MTMR9: variants seen among roughly 807,000 people sequenced by gnomAD.
The protein encoded by MTMR9 is myotubularin-related protein 9.
A neutral mutation model predicts 69.5 loss-of-function variants in MTMR9; 39 were observed. The observed-to-expected ratio is 0.56, with a 90% CI of 0.43 to 0.73. The LOEUF is 0.73. Ranked by LOEUF, MTMR9 falls within the 30% of genes least tolerant of loss-of-function variation. The pLI, the probability that MTMR9 is intolerant of heterozygous loss-of-function variation, is 0.00. For synonymous variants in MTMR9, 354 were observed against 240.8 expected (o/e 1.47, Z -4.35); for missense variants, 900 against 671.2 (o/e 1.34, Z -3.77).
chr8:11,294,292 C>G (rs1049084062), intron 1 of MTMR9, among the ~76,000 whole-genome samples: 3 of 151,992 alleles, frequency 2.0e-5, no homozygotes, highest in African/African-American at 4.8e-5. Flanking sequence ...CAGTGAACAT[C>G]TTTGTGTTAT....
chr8:11,304,050 T>A (rs1385694990), intron 3 of MTMR9, among the ~76,000 whole-genome samples: 1 of 151,190 alleles, frequency 6.6e-6, no homozygotes, highest in East Asian at 1.9e-4. Flanking sequence ...TACATATAAT[T>A]TGATTTTTTT....
rs1563262763 is a variant in MTMR9 at position 11,287,810 on chromosome 8, TAC to T, written c.182+2742_182+2743del. Among the ~76,000 whole-genome samples, 29 of 115,690 alleles carry T rather than the reference TAC, an allele frequency of 2.5e-4. 1 individual carries two copies. In the South Asian group the frequency reaches 6.3e-3, roughly 25 times the overall value. 75.9% of individuals were successfully genotyped at this position (115,690 alleles called of 152,430 possible). ...ATTATATATAATACATATTATATAA[TAC>T]ATATAATATATAATATATAACATTA... On this transcript the variant is annotated intron_variant, in intron 1 of 9. Coordinates refer to ENST00000221086, the MANE Select transcript of MTMR9 (RefSeq NM_015458.4).
chr8:11,333,045 C>A (rs1217823738), downstream of MTMR9, among the ~76,000 whole-genome samples: 1 of 152,030 alleles, frequency 6.6e-6, no homozygotes, highest in African/African-American at 2.4e-5. Flanking sequence ...TCAAGTGGAC[C>A]AACATATGGT....
At chr8:11,331,612 T>A (rs1174702556), downstream of MTMR9, 1 of 1,613,334 alleles carries the variant, frequency 6.2e-7, no homozygotes, top group East Asian at 2.2e-5. Context: ...ATCCTAGGAC[T>A]AATCATCATT....
At chr8:11,294,364 GT>G (rs939465835) in intron 1 of MTMR9, among the ~76,000 whole-genome samples, 2 of 151,920 alleles carry the variant, frequency 1.3e-5, no homozygotes, top group African/African-American at 4.8e-5. Context: ...AGATTTAGGG[GT>G]TTTTTTGTGG....
At chr8:11,301,286 G>A (rs1799739011) in intron 3 of MTMR9, among the ~76,000 whole-genome samples, 1 of 152,132 alleles carries the variant, frequency 6.6e-6, no homozygotes, top group Admixed American at 6.5e-5. Flanking sequence ...AGAGAGTATG[G>A]TATTGCTGTA....
downstream of MTMR9, chr8:11,332,158 A>G (rs1306460948): frequency 1.9e-6 from 3 of 1,610,714 alleles, no homozygotes; most frequent in African/African-American, 2.7e-5. Flanking sequence ...TGGGAGGGAC[A>G]GGGATAAATA....
Position 11,324,755 on chromosome 8 carries a change from G to C in MTMR9, c.*1967G>C. ...GCCTATAGTCCCAGCCACTAGGAAAGCTGAGGCAGAAGGATCCCTTGAGCC... is the reference window on the plus strand; with the variant it reads ...GCCTATAGTCCCAGCCACTAGGAAACCTGAGGCAGAAGGATCCCTTGAGCC... On this transcript the variant is annotated 3_prime_UTR_variant, in exon 10 of 10. Coordinates refer to ENST00000221086, the MANE Select transcript of MTMR9 (RefSeq NM_015458.4). 6.6e-6 allele frequency: 1 copy of C among 152,450 alleles called. No individual in the cohort carries two copies. The highest frequency in any genetic ancestry group is 2.1e-4 in the South Asian group (1 of 4,826). The allele number at this position is 152,450 out of a possible 1,614,324, so 9.4% of individuals were successfully genotyped here. A position where few individuals can be genotyped will look rare whatever the true frequency, so the allele number is the denominator to read the frequency against.
intron 9 of MTMR9, among the ~76,000 whole-genome samples, chr8:11,322,200 C>T (rs911203798): frequency 1.3e-5 from 2 of 152,130 alleles, no homozygotes; most frequent in African/African-American, 4.8e-5. Flanking sequence ...TGTCACTTTT[C>T]AGGTGAAAAT....
chr8:11,313,520 G>T (rs953115625), intron 6 of MTMR9, among the ~76,000 whole-genome samples: 1 of 152,212 alleles, frequency 6.6e-6, no homozygotes, highest in Admixed American at 6.5e-5. Context: ...TCCTCACTAA[G>T]CTTAATCATT....
chr8:11,295,376 C>A, intron 2 of MTMR9, 74 bp downstream of exon 2: 1 of 885,100 alleles, frequency 1.1e-6, no homozygotes, highest in Non-Finnish European at 1.8e-6. Context: ...TCCATTTCTT[C>A]ATTAGATAAT....
rs764147390 is a variant in MTMR9, at chr8:11,304,426, C to A, written c.418-415C>A. Among the ~76,000 whole-genome samples the A allele has an allele frequency of 2.0e-5, 3 of 152,058 alleles. No individual in the cohort carries two copies. The East Asian group carries it at 5.8e-4, about 29-fold the overall frequency. ...AAGGAAGAAGTAGGATGATGTTGGC[C>A]GTGATAATTGTGGATGTGCTTAATA... On this transcript the variant is annotated intron_variant, in intron 3 of 9. Transcript: ENST00000221086.
chr8:11,336,838 C>T, the MTMR9 span, among the ~76,000 whole-genome samples: 1 of 152,152 alleles, frequency 6.6e-6, no homozygotes, highest in Admixed American at 6.5e-5. Context: ...TCTGGACTTG[C>T]TCAAGCACCA....
intron 1 of MTMR9, among the ~76,000 whole-genome samples, chr8:11,292,571 T>A (rs1013371588): frequency 6.6e-6 from 1 of 152,244 alleles, no homozygotes; most frequent in African/African-American, 2.4e-5. Flanking sequence ...GTGGCTTAAA[T>A]TTGCATTTCC....
At chr8:11,319,401 T>C in intron 8 of MTMR9, 1 of 345,242 alleles carries the variant, frequency 2.9e-6, no homozygotes, top group East Asian at 6.6e-5. Flanking sequence ...TAATGTTCTC[T>C]GGGTTAAGGT....
chr8:11,303,640 T>A (rs1299816832), intron 3 of MTMR9, among the ~76,000 whole-genome samples: 1 of 152,118 alleles, frequency 6.6e-6, no homozygotes, highest in Admixed American at 6.5e-5. Context: ...CTCCCGTGAT[T>A]CTTTCACCTC....
chr8:11,299,494 C>T (rs1187652457), intron 2 of MTMR9, among the ~76,000 whole-genome samples: 2 of 152,142 alleles, frequency 1.3e-5, no homozygotes, highest in African/African-American at 2.4e-5. Flanking sequence ...CATGACTTTC[C>T]TACTGCACTG....
In MTMR9 at chr8:11,285,046, C is replaced by T; in HGVS notation, c.158C>T (p.Ser53Leu). The T allele has an allele frequency of 1.9e-6, 3 of 1,608,346 alleles. No homozygotes were observed. The highest frequency in any genetic ancestry group is 2.5e-6 in the Non-Finnish European group (3 of 1,176,852). ...DNTEELWLLH[S>L]NIDAIDKRFV... ...ACGGAGGAGCTGTGGCTCCTCCATT[C>T]AAACATCGACGCCATCGACAAGCGG... is the stretch of plus-strand genomic sequence containing the variant. The change falls in exon 1 of 10, where the codon TCA (serine) becomes TTA (leucine). Residue 53 changes from serine to leucine, a missense_variant. Physicochemically the swap from Ser to Leu is moderately radical, Grantham distance 145. Coordinates refer to ENST00000221086, the MANE Select transcript of MTMR9 (RefSeq NM_015458.4).
At chr8:11,287,796 TACATATTATATAATACATATA>T (rs1259236324) in intron 1 of MTMR9, among the ~76,000 whole-genome samples, 1 of 20,570 alleles carries the variant, frequency 4.9e-5, no homozygotes, top group Non-Finnish European at 8.2e-5. Context: ...TTATATATAA[TACATATTATATAATACATATA>T]ATATATAATA....
Sources: gnomAD v4.1 joint callset for allele counts (sites outside exome capture counted in the v4.1 genomes callset) on GRCh38, gnomAD v4.1.1 for gene constraint, MANE v1.5 for transcripts, NCBI Gene and HGNC (gene_info 2026-07-23, HGNC 2026-07-21) for gene names.